The following DOCK4 variants were observed in gnomAD, a reference collection of about 807,000 sequenced individuals.
DOCK4 encodes the protein dedicator of cytokinesis 4, also known as dedicator of cytokinesis protein 4.
A neutral mutation model predicts 268.1 loss-of-function variants in DOCK4; 97 were observed. That is an observed-to-expected ratio of 0.36 (90% CI 0.31 to 0.43). The LOEUF is 0.43. Among genes scored for constraint, DOCK4 ranks in the 20% least tolerant of loss-of-function variants. The probability of loss-of-function intolerance (pLI) is 1.00; values close to 1 mark genes in which losing one functional copy is unlikely to be tolerated. For synonymous variants in DOCK4, 954 were observed against 887.2 expected, an observed-to-expected ratio of 1.08 and a Z score of -1.34; for missense variants, 2,145 against 2,455.7, an observed-to-expected ratio of 0.87 and a Z score of 2.67.
At chr7:112,043,350 T>C (rs552786928) in intron 1 of DOCK4, among the ~76,000 whole-genome samples, 20 of 152,316 alleles carry the variant, frequency 1.3e-4, no homozygotes, top group African/African-American at 4.8e-4. Context: ...TCAACTGTTA[T>C]CCACAAAGAA....
intron 1 of DOCK4, among the ~76,000 whole-genome samples, chr7:112,201,146 T>C (rs1220508979): frequency 6.6e-6 from 1 of 152,154 alleles, no homozygotes; most frequent in Non-Finnish European, 1.5e-5. Flanking sequence ...TTACGCTCTA[T>C]CACACACATA....
intron 15 of DOCK4, among the ~76,000 whole-genome samples, chr7:111,897,697 T>C (rs1000864008): frequency 6.6e-6 from 1 of 152,186 alleles, no homozygotes; most frequent in Non-Finnish European, 1.5e-5. Context: ...GCTGGCTCAG[T>C]AGACCAACCA....
intron 8 of DOCK4, among the ~76,000 whole-genome samples, chr7:111,959,096 G>C (rs906572458): frequency 6.6e-6 from 1 of 152,166 alleles, no homozygotes; most frequent in Non-Finnish European, 1.5e-5. Flanking sequence ...GAAAGCAGGA[G>C]TGCCTTTCAA....
rs1278431567 is a variant in DOCK4, at chr7:111,801,431, G to A, written c.3166+7390C>T. On this transcript the variant is annotated intron_variant, in intron 30 of 52. Coordinates refer to ENST00000428084, the MANE Select transcript of DOCK4 (RefSeq NM_001363540.2). ...CCTTAAAACCACACCACATGTGTGC[G>A]TGTCCTTTTATCTAAATTGGCGCAA... Among the ~76,000 whole-genome samples the A allele has an allele frequency of 3.9e-5, 6 of 152,108 alleles. 1 individual carries two copies. Among genetic ancestry groups the A allele is most frequent in the East Asian group, 3.9e-4 (2 of 5,186 alleles).
At chr7:112,162,764 C>A (rs1817247629) in intron 1 of DOCK4, among the ~76,000 whole-genome samples, 1 of 152,094 alleles carries the variant, frequency 6.6e-6, no homozygotes, top group Admixed American at 6.5e-5. Context: ...TTATAGGAAA[C>A]CTCAAAATGA....
chr7:111,781,776 G>A (rs1010947999), intron 35 of DOCK4, among the ~76,000 whole-genome samples: 3 of 152,190 alleles, frequency 2.0e-5, no homozygotes, highest in Non-Finnish European at 2.9e-5. Flanking sequence ...CTTTGAAGAC[G>A]AACTGTGACA....
chr7:112,041,955 A>G (rs1029626748), intron 1 of DOCK4, among the ~76,000 whole-genome samples: 1 of 152,114 alleles, frequency 6.6e-6, no homozygotes, highest in Non-Finnish European at 1.5e-5. Flanking sequence ...TACAGCTGCC[A>G]ATGTGAAGAT....
At chr7:111,874,269 G>A (rs1036541033) in intron 17 of DOCK4, among the ~76,000 whole-genome samples, 2 of 152,142 alleles carry the variant, frequency 1.3e-5, no homozygotes, top group Admixed American at 1.3e-4. Flanking sequence ...TTAAAGTGAG[G>A]CAGTTGCAGG....
intron 16 of DOCK4, among the ~76,000 whole-genome samples, chr7:111,886,457 C>G (rs777353155): frequency 1.3e-5 from 2 of 152,102 alleles, no homozygotes; most frequent in Non-Finnish European, 2.9e-5. Context: ...CTGTTAATAC[C>G]GATTACAACA....
chr7:111,990,371 A>C (rs2135224037), intron 5 of DOCK4, among the ~76,000 whole-genome samples: 1 of 152,340 alleles, frequency 6.6e-6, no homozygotes, highest in South Asian at 2.1e-4. Flanking sequence ...TTCTACAAAA[A>C]TTATGAGTGG....
chr7:112,146,796 A>T (rs183260380), intron 1 of DOCK4, among the ~76,000 whole-genome samples: 4 of 152,304 alleles, frequency 2.6e-5, no homozygotes, highest in Non-Finnish European at 4.4e-5. Flanking sequence ...ATATCTCTTC[A>T]TCCCATCTAA....
At chr7:112,149,827 C>G (rs1342672725) in intron 1 of DOCK4, among the ~76,000 whole-genome samples, 6 of 152,162 alleles carry the variant, frequency 3.9e-5, no homozygotes, top group Non-Finnish European at 5.9e-5. Flanking sequence ...TCTGAAGAAG[C>G]CCTCAGTCTC....
chr7:112,136,969 T>C (rs546779772), intron 1 of DOCK4, among the ~76,000 whole-genome samples: 1 of 152,100 alleles, frequency 6.6e-6, no homozygotes, highest in African/African-American at 2.4e-5. Flanking sequence ...ATGGGTTGGG[T>C]GAAAAGGCAG....
At chr7:112,124,420 C>T (rs918320738) in intron 1 of DOCK4, among the ~76,000 whole-genome samples, 2 of 152,306 alleles carry the variant, frequency 1.3e-5, no homozygotes, top group East Asian at 3.9e-4. Context: ...ACCTTTGTCA[C>T]TATTTAAATA....
At chr7:111,775,450 G>A (rs1798382691) in intron 36 of DOCK4, among the ~76,000 whole-genome samples, 1 of 152,196 alleles carries the variant, frequency 6.6e-6, no homozygotes, top group African/African-American at 2.4e-5. Context: ...AGCCTGGAGA[G>A]ACTATATAAC....
intron 27 of DOCK4, among the ~76,000 whole-genome samples, chr7:111,822,122 A>T (rs60554760): frequency 0.1 from 15,588 of 152,112 alleles, 2,579 homozygotes; most frequent in African/African-American, 0.35. Flanking sequence ...AGCCTAGGGG[A>T]AGAGGGTCAA....
intron 1 of DOCK4, among the ~76,000 whole-genome samples, chr7:112,112,147 G>C (rs575801654): frequency 6.6e-6 from 1 of 152,260 alleles, no homozygotes; most frequent in African/African-American, 2.4e-5. Flanking sequence ...TTGGAGGTGG[G>C]CTTAGTGGGC....
Position 111,755,522 on chromosome 7 carries a change from C to T in DOCK4, c.4409G>A (p.Arg1470His), listed in dbSNP as rs553536468. The T allele has an allele frequency of 1.7e-5, 28 of 1,613,932 alleles. No individual in the cohort carries two copies. The highest frequency in any genetic ancestry group is 1.3e-4 in the South Asian group (12 of 91,070). ...ACAAGCTCTGATCCTTACCACTTCACGCTTTTCCACTTCAAACCAGCGAGA... is the reference window on the plus strand; with the variant it reads ...ACAAGCTCTGATCCTTACCACTTCATGCTTTTCCACTTCAAACCAGCGAGA... ...GISRWFEVEK[R>H]EVVEMSPLEN... The change falls in exon 42 of 53, where the codon CGT becomes CAT. Residue 1470 changes from arginine to histidine, a missense_variant. Arg to His is a conservative substitution (Grantham distance 29). Transcript: ENST00000428084.
intron 1 of DOCK4, among the ~76,000 whole-genome samples, chr7:112,017,055 A>T (rs1801869833): frequency 6.6e-6 from 1 of 152,150 alleles, no homozygotes; most frequent in South Asian, 2.1e-4. Context: ...ATTATCACTG[A>T]CTTATAAAGG....
Sources: allele counts gnomAD v4.1 joint callset (sites outside exome capture counted in the v4.1 genomes callset), GRCh38; gene constraint gnomAD v4.1.1; transcripts MANE v1.5; gene names NCBI Gene and HGNC (gene_info 2026-07-23, HGNC 2026-07-21).